The following NUBPL variants were observed in gnomAD, a reference collection of about 807,000 sequenced individuals.
The protein encoded by NUBPL is NUBP iron-sulfur cluster assembly factor, mitochondrial.
NUBPL carries 31 observed loss-of-function variants against 45.7 expected under a neutral mutation model. That is an observed-to-expected ratio of 0.68 (90% CI 0.51 to 0.92). NUBPL has a LOEUF of 0.92. NUBPL is among the 40% of genes least tolerant of loss of function. NUBPL has a pLI of 0.00. For synonymous variants in NUBPL, 144 were observed against 140.9 expected, an observed-to-expected ratio of 1.02 and a Z score of -0.15; for missense variants, 401 against 398.7, an observed-to-expected ratio of 1.01 and a Z score of -0.05.
chr14:31,561,792 A>C (rs936278571), intron 1 of NUBPL: 2 of 586,204 alleles, frequency 3.4e-6, no homozygotes, highest in Non-Finnish European at 5.9e-6. Flanking sequence ...AATAGATTGA[A>C]GAAAAGCAAA....
At chr14:31,728,190 T>C (rs1043283118) in intron 6 of NUBPL, among the ~76,000 whole-genome samples, 1 of 152,096 alleles carries the variant, frequency 6.6e-6, no homozygotes, top group African/African-American at 2.4e-5. Context: ...TATTTTTTCA[T>C]AGATTCAGGT....
At chr14:31,661,420 A>T (rs960447254) in intron 4 of NUBPL, among the ~76,000 whole-genome samples, 4 of 152,242 alleles carry the variant, frequency 2.6e-5, no homozygotes, top group Admixed American at 2.0e-4. Flanking sequence ...ACACATTTTT[A>T]AAAAATAAAA....
chr14:31,837,111 C>T (rs1355494431), intron 8 of NUBPL, among the ~76,000 whole-genome samples: 4 of 151,998 alleles, frequency 2.6e-5, no homozygotes, highest in Non-Finnish European at 5.9e-5. Flanking sequence ...TGCTTGAAGC[C>T]GGGAGTTAAA....
intron 6 of NUBPL, among the ~76,000 whole-genome samples, chr14:31,750,589 G>A (rs190593786): frequency 3.0e-4 from 45 of 152,066 alleles, no homozygotes; most frequent in African/African-American, 8.9e-4. Context: ...CTTTGGAGGC[G>A]TCATTTTTCT....
intron 7 of NUBPL, among the ~76,000 whole-genome samples, chr14:31,806,270 A>G (rs769659908): frequency 2.0e-5 from 3 of 152,160 alleles, no homozygotes; most frequent in Non-Finnish European, 2.9e-5. Flanking sequence ...AGTTAGGGTA[A>G]TGGTAATCAG....
chr14:31,834,735 G>A (rs1459474540), intron 8 of NUBPL, among the ~76,000 whole-genome samples: 1 of 152,154 alleles, frequency 6.6e-6, no homozygotes, highest in Admixed American at 6.5e-5. Flanking sequence ...ACAACCCTGT[G>A]AAATACAGAA....
At chr14:31,578,495 C>T (rs1354289035) in intron 3 of NUBPL, among the ~76,000 whole-genome samples, 2 of 152,166 alleles carry the variant, frequency 1.3e-5, no homozygotes. Context: ...CTTGGGTCAG[C>T]ACCACTGTGC....
intron 6 of NUBPL, among the ~76,000 whole-genome samples, chr14:31,749,574 T>G (rs940626485): frequency 6.6e-6 from 1 of 152,236 alleles, no homozygotes. Flanking sequence ...GGTGGTTTAA[T>G]GACAATTTCC....
chr14:31,684,282 G>T, intron 6 of NUBPL, among the ~76,000 whole-genome samples: 1 of 152,162 alleles, frequency 6.6e-6, no homozygotes, highest in Middle Eastern at 3.4e-3. Context: ...ATGTACATGG[G>T]TTTTGTAATT....
chr14:31,839,262 C>T (rs1302028166), intron 8 of NUBPL, among the ~76,000 whole-genome samples: 2 of 152,044 alleles, frequency 1.3e-5, no homozygotes, highest in South Asian at 2.1e-4. Context: ...AGCAAACATA[C>T]CCACTGTTTG....
chr14:31,599,109 T>A, intron 3 of NUBPL, 180 bp from the exon 4 acceptor site: 1 of 638,908 alleles, frequency 1.6e-6, no homozygotes, highest in Non-Finnish European at 2.8e-6. Flanking sequence ...CCTAAGCAAT[T>A]TATGCTCTTT....
At chr14:31,758,749 A>C (rs1274879423) in intron 6 of NUBPL, among the ~76,000 whole-genome samples, 1 of 152,194 alleles carries the variant, frequency 6.6e-6, no homozygotes, top group African/African-American at 2.4e-5. Flanking sequence ...AATACATGAA[A>C]TACTATTTTG....
intron 3 of NUBPL, 143 bp from the exon 4 acceptor site, chr14:31,599,146 G>A (rs373404578): frequency 2.9e-6 from 2 of 694,704 alleles, no homozygotes; most frequent in African/African-American, 3.6e-5. Context: ...TGGAAGTTTA[G>A]GTTATGATTT....
intron 6 of NUBPL, among the ~76,000 whole-genome samples, chr14:31,679,519 A>G (rs940747821): frequency 6.6e-6 from 1 of 152,138 alleles, no homozygotes; most frequent in Non-Finnish European, 1.5e-5. Flanking sequence ...TGTTTGAAAG[A>G]CTTCCCTTTC....
chr14:31,747,529 G>T (rs1416356762), intron 6 of NUBPL, among the ~76,000 whole-genome samples: 1 of 151,988 alleles, frequency 6.6e-6, no homozygotes, highest in Non-Finnish European at 1.5e-5. Flanking sequence ...TTTCTTTCTG[G>T]TTCAATCTTG....
intron 8 of NUBPL, among the ~76,000 whole-genome samples, chr14:31,832,468 A>G (rs1206341199): frequency 1.3e-5 from 2 of 152,108 alleles, no homozygotes; most frequent in Admixed American, 6.5e-5. Context: ...GTAGACAACA[A>G]ACTAGAAATA....
intron 4 of NUBPL, among the ~76,000 whole-genome samples, chr14:31,641,628 G>T (rs190447866): frequency 7.0e-4 from 107 of 152,282 alleles, no homozygotes; most frequent in African/African-American, 2.4e-3. Context: ...TGTGAATGAT[G>T]CCCTGATAAA....
chr14:31,679,246 A>G (rs565999281), intron 6 of NUBPL, among the ~76,000 whole-genome samples: 10 of 152,134 alleles, frequency 6.6e-5, no homozygotes, highest in African/African-American at 2.4e-4. Flanking sequence ...GAAACCAGGT[A>G]TTCTGAGTGC....
intron 6 of NUBPL, among the ~76,000 whole-genome samples, chr14:31,683,957 G>A (rs905661100): frequency 3.6e-5 from 2 of 55,942 alleles, no homozygotes; most frequent in Non-Finnish European, 1.9e-4. Context: ...TTCTTTAGTT[G>A]TTCTGTGAGT....
Sources: allele counts gnomAD v4.1 joint callset (sites outside exome capture counted in the v4.1 genomes callset), GRCh38; gene constraint gnomAD v4.1.1; transcripts MANE v1.5; gene names NCBI Gene and HGNC (gene_info 2026-07-23, HGNC 2026-07-21).